Variants in FHL2 observed in about 807,000 individuals in gnomAD.
The protein encoded by FHL2 is four and a half LIM domains 2, also known as four and a half LIM domains protein 2.
FHL2 carries 20 observed loss-of-function variants against 32.7 expected under a neutral mutation model. The observed-to-expected ratio is 0.61, with a 90% CI of 0.43 to 0.89. The LOEUF is 0.89. FHL2 is among the 40% of genes least tolerant of loss of function. FHL2 has a pLI of 0.00. For synonymous variants in FHL2, 123 were observed against 128.1 expected, an observed-to-expected ratio of 0.96 and a Z score of 0.27; for missense variants, 311 against 358.6, an observed-to-expected ratio of 0.87 and a Z score of 1.07.
intron 1 of FHL2, among the ~76,000 whole-genome samples, chr2:105,431,998 C>T (rs1373506421): frequency 1.3e-5 from 2 of 152,216 alleles, no homozygotes; most frequent in Non-Finnish European, 2.9e-5. Context: ...AGTCCTTCTA[C>T]CCAACTTTCA....
intron 1 of FHL2, among the ~76,000 whole-genome samples, chr2:105,437,571 A>T (rs571576626): frequency 3.7e-4 from 56 of 152,340 alleles, no homozygotes; most frequent in Middle Eastern, 3.4e-3. Flanking sequence ...GTTTATTAAC[A>T]CTATCTTTGG....
chr2:105,379,561 C>T (rs764892734), intron 3 of FHL2, among the ~76,000 whole-genome samples: 18 of 152,298 alleles, frequency 1.2e-4, no homozygotes, highest in Admixed American at 1.0e-3. Flanking sequence ...AATGTAACGA[C>T]ACCAAAAAGT....
rs140430039 is a variant in FHL2, at chr2:105,366,221, A to G, written c.501+1349T>C. 9.9e-3 allele frequency among the ~76,000 whole-genome samples: 1,513 copies of G among 152,266 alleles called. 26 individuals are homozygous for G. Among genetic ancestry groups the G allele is most frequent in the African/African-American group, 0.033 (1,367 of 41,544 alleles). Reference sequence around the variant, plus strand: ...TGAGATTCTGTCTCAAAAAAAGAAAAAAAAAAAGGAAATGAGAGAAAGACT... The same window carrying G: ...TGAGATTCTGTCTCAAAAAAAGAAAGAAAAAAAGGAAATGAGAGAAAGACT... On this transcript the variant is annotated intron_variant, in intron 5 of 6. Transcript: ENST00000530340.
chr2:105,382,658 G>A (rs1393238930), intron 3 of FHL2, among the ~76,000 whole-genome samples: 3 of 152,168 alleles, frequency 2.0e-5, no homozygotes, highest in African/African-American at 7.2e-5. Flanking sequence ...CTGAATGCTA[G>A]TTTCTGATCT....
chr2:105,427,306 T>C (rs1211454367), intron 1 of FHL2, among the ~76,000 whole-genome samples: 1 of 152,222 alleles, frequency 6.6e-6, no homozygotes, highest in Non-Finnish European at 1.5e-5. Flanking sequence ...TTTTTCCTGC[T>C]CTAGTCAATT....
At chr2:105,406,697 T>C (rs1377882696) in intron 1 of FHL2, among the ~76,000 whole-genome samples, 4 of 152,200 alleles carry the variant, frequency 2.6e-5, no homozygotes, top group Non-Finnish European at 5.9e-5. Flanking sequence ...TCTAAGAATA[T>C]GTTTGGAAAA....
chr2:105,376,873 G>C (rs899689800), intron 3 of FHL2: 1 of 152,238 alleles, frequency 6.6e-6, no homozygotes, highest in Non-Finnish European at 1.5e-5. Context: ...CAGCATGGAT[G>C]AATCTTGAGG....
intron 2 of FHL2, among the ~76,000 whole-genome samples, chr2:105,393,279 A>AT (rs1347994302): frequency 6.6e-6 from 1 of 152,076 alleles, no homozygotes; most frequent in Non-Finnish European, 1.5e-5. Context: ...CTCCTCTAAC[A>AT]TAGCCATTTC....
chr2:105,381,146 C>T (rs188521302), intron 3 of FHL2, among the ~76,000 whole-genome samples: 1 of 152,274 alleles, frequency 6.6e-6, no homozygotes, highest in Admixed American at 6.5e-5. Context: ...TGGCACCAAC[C>T]ATTCTTCAGA....
At chr2:105,392,528 G>A (rs1022631340) in intron 2 of FHL2, among the ~76,000 whole-genome samples, 3 of 152,046 alleles carry the variant, frequency 2.0e-5, no homozygotes, top group Non-Finnish European at 4.4e-5. Context: ...TAAGAATAAA[G>A]GTTCAGAGGG....
intron 1 of FHL2, among the ~76,000 whole-genome samples, chr2:105,435,698 T>C (rs574772907): frequency 1.3e-5 from 2 of 152,272 alleles, no homozygotes; most frequent in Non-Finnish European, 2.9e-5. Flanking sequence ...GGCAGGCGCC[T>C]GTAATCCCAG....
chr2:105,422,011 T>C (rs1030444021), intron 1 of FHL2, among the ~76,000 whole-genome samples: 7 of 152,204 alleles, frequency 4.6e-5, no homozygotes, highest in Non-Finnish European at 1.0e-4. Flanking sequence ...GTTGCGTGCA[T>C]TGGCAGCGTA....
chr2:105,437,315 C>T (rs191320336), intron 1 of FHL2, among the ~76,000 whole-genome samples: 204 of 152,258 alleles, frequency 1.3e-3, no homozygotes, highest in African/African-American at 4.6e-3. Context: ...CCAGCCCATC[C>T]TGGATACCCC....
intron 1 of FHL2, among the ~76,000 whole-genome samples, chr2:105,432,735 A>C (rs1573413372): frequency 6.6e-6 from 1 of 152,154 alleles, no homozygotes; most frequent in South Asian, 2.1e-4. Context: ...CACACAAACT[A>C]ATAAATTAGT....
At chr2:105,430,193 G>A (rs1032518494) in intron 1 of FHL2, among the ~76,000 whole-genome samples, 1 of 152,176 alleles carries the variant, frequency 6.6e-6, no homozygotes, top group Non-Finnish European at 1.5e-5. Flanking sequence ...GGCATCGTTG[G>A]GGCTTAGCAA....
At chr2:105,372,551 C>T (rs1209639900) in intron 4 of FHL2, among the ~76,000 whole-genome samples, 1 of 152,002 alleles carries the variant, frequency 6.6e-6, no homozygotes, top group Non-Finnish European at 1.5e-5. Context: ...AAACTATTTC[C>T]CATATGTCAG....
chr2:105,399,156 G>A (rs901264601), upstream of FHL2: 10 of 1,364,196 alleles, frequency 7.3e-6, 1 homozygote, highest in East Asian at 9.2e-5. Context: ...GGCGCGGGGG[G>A]CGGGCGCCCC....
intron 1 of FHL2, among the ~76,000 whole-genome samples, chr2:105,426,443 A>G (rs1356294489): frequency 6.6e-6 from 1 of 152,236 alleles, no homozygotes; most frequent in African/African-American, 2.4e-5. Context: ...AGCATGGTCT[A>G]TCAAAATACC....
upstream of FHL2, among the ~76,000 whole-genome samples, chr2:105,403,266 A>G (rs1573384886): frequency 6.6e-6 from 1 of 152,238 alleles, no homozygotes; most frequent in Admixed American, 6.5e-5. Flanking sequence ...TCCTGTTCAG[A>G]TCCTGTTTCT....
Sources: gnomAD v4.1 joint callset for allele counts (sites outside exome capture counted in the v4.1 genomes callset) on GRCh38, gnomAD v4.1.1 for gene constraint, MANE v1.5 for transcripts, NCBI Gene and HGNC (gene_info 2026-07-23, HGNC 2026-07-21) for gene names.